MDGA2: variants seen among roughly 807,000 people sequenced by gnomAD.
MDGA2 encodes MAM domain-containing glycosylphosphatidylinositol anchor protein 2.
A neutral mutation model predicts 117.8 loss-of-function variants in MDGA2; 40 were observed. The ratio of observed to expected loss-of-function variants is 0.34; its 90% CI spans 0.26 to 0.44. MDGA2 has a LOEUF of 0.44. MDGA2 is among the 20% of genes least tolerant of loss of function. The probability of loss-of-function intolerance (pLI) is 1.00; values close to 1 mark genes in which losing one functional copy is unlikely to be tolerated. For missense variants in MDGA2, 1,123 were observed against 1,250.6 expected, an observed-to-expected ratio of 0.90 and a Z score of 1.54; for synonymous variants, 452 against 439.0, an observed-to-expected ratio of 1.03 and a Z score of -0.37.
chr14:47,348,169 GT>G (rs1890800100), intron 1 of MDGA2, among the ~76,000 whole-genome samples: 2 of 29,836 alleles, frequency 6.7e-5, no homozygotes, highest in Non-Finnish European at 1.4e-4. Context: ...CTCTGTATAT[GT>G]GTGTGTGTGT....
chr14:47,271,970 A>G (rs1888158625), intron 2 of MDGA2, among the ~76,000 whole-genome samples: 1 of 151,638 alleles, frequency 6.6e-6, no homozygotes, highest in East Asian at 2.0e-4. Flanking sequence ...GACACTCTAG[A>G]TATTCATAAA....
chr14:47,189,678 A>G (rs1885040209), intron 3 of MDGA2, among the ~76,000 whole-genome samples: 1 of 152,152 alleles, frequency 6.6e-6, no homozygotes, highest in South Asian at 2.1e-4. Flanking sequence ...TAATCCCATA[A>G]TTGTTTCCTA....
intron 10 of MDGA2, among the ~76,000 whole-genome samples, chr14:46,895,652 G>T (rs1883046073): frequency 6.6e-6 from 1 of 151,906 alleles, no homozygotes. Flanking sequence ...GCTTGAACCT[G>T]GGAGGTGGAG....
intron 3 of MDGA2, among the ~76,000 whole-genome samples, chr14:47,152,847 G>C (rs1275512391): frequency 1.3e-5 from 2 of 152,130 alleles, no homozygotes; most frequent in African/African-American, 4.8e-5. Context: ...GAGTATGCCA[G>C]ATAATATATT....
rs193010050 is a variant in MDGA2 at position 46,889,201 on chromosome 14, C to T, written c.2239-6980G>A. Among the ~76,000 whole-genome samples, 30 of 152,098 alleles carry T rather than the reference C, an allele frequency of 2.0e-4. No individual in the cohort carries two copies. In the Middle Eastern group the frequency reaches 0.017, roughly 87 times the overall value. ...CTAGTAATAGCAAACATTTATTCAACTAATTATATAACTTTTCTTCTTTCA... is the reference window on the plus strand; with the variant it reads ...CTAGTAATAGCAAACATTTATTCAATTAATTATATAACTTTTCTTCTTTCA... On this transcript the variant is annotated intron_variant, in intron 10 of 16. Transcript: ENST00000399232.
chr14:47,559,888 G>A (rs910261118), intron 1 of MDGA2, among the ~76,000 whole-genome samples: 1 of 151,510 alleles, frequency 6.6e-6, no homozygotes, highest in Non-Finnish European at 1.5e-5. Context: ...TTTTTATGGT[G>A]GAATGATTTA....
At chr14:47,396,116 T>G (rs1892003428) in intron 1 of MDGA2, among the ~76,000 whole-genome samples, 1 of 152,150 alleles carries the variant, frequency 6.6e-6, no homozygotes, top group African/African-American at 2.4e-5. Flanking sequence ...ATAACAAACT[T>G]AGCCTGTAAC....
intron 3 of MDGA2, among the ~76,000 whole-genome samples, chr14:47,168,236 C>T (rs1883967130): frequency 7.1e-6 from 1 of 141,582 alleles, no homozygotes; most frequent in Admixed American, 7.4e-5. Flanking sequence ...CCACTTGCTG[C>T]TTCTCTCTCT....
chr14:46,868,436 A>T (rs1366837216), intron 14 of MDGA2, among the ~76,000 whole-genome samples: 1 of 151,906 alleles, frequency 6.6e-6, no homozygotes, highest in African/African-American at 2.4e-5. Context: ...GCAGGACAAA[A>T]GAGACAGCCT....
At chr14:47,081,000 G>A (rs559301606) in intron 6 of MDGA2, among the ~76,000 whole-genome samples, 3 of 151,942 alleles carry the variant, frequency 2.0e-5, no homozygotes, top group African/African-American at 4.8e-5. Context: ...TTACTTCCAC[G>A]ATCTGCCAAA....
chr14:47,285,430 G>T (rs1888639891), intron 2 of MDGA2, among the ~76,000 whole-genome samples: 1 of 152,066 alleles, frequency 6.6e-6, no homozygotes, highest in African/African-American at 2.4e-5. Context: ...TAAATCATAA[G>T]CAGTAAATTT....
intron 1 of MDGA2, among the ~76,000 whole-genome samples, chr14:47,365,090 A>G (rs1282218723): frequency 2.0e-5 from 3 of 152,226 alleles, no homozygotes; most frequent in African/African-American, 7.2e-5. Context: ...TACACCCTTC[A>G]ATGGGATTGG....
At chr14:47,477,610 G>A (rs1320640010) in intron 1 of MDGA2, among the ~76,000 whole-genome samples, 1 of 152,044 alleles carries the variant, frequency 6.6e-6, no homozygotes, top group Non-Finnish European at 1.5e-5. Flanking sequence ...TTTCTATCTT[G>A]GACTTAAGTT....
intron 1 of MDGA2, among the ~76,000 whole-genome samples, chr14:47,548,561 T>A (rs1221516138): frequency 2.0e-5 from 3 of 152,340 alleles, no homozygotes; most frequent in Non-Finnish European, 4.4e-5. Context: ...ATTTCTTAAA[T>A]GCATTGAACC....
intron 1 of MDGA2, among the ~76,000 whole-genome samples, chr14:47,562,697 T>C (rs1895839887): frequency 6.6e-6 from 1 of 152,182 alleles, no homozygotes; most frequent in Admixed American, 6.5e-5. Context: ...ATTTGTTGCT[T>C]TGGTGTGGGT....
intron 10 of MDGA2, among the ~76,000 whole-genome samples, chr14:46,903,110 CCTT>C (rs1883352983): frequency 1.3e-5 from 2 of 152,270 alleles, no homozygotes; most frequent in Admixed American, 6.5e-5. Flanking sequence ...TGGCAGGAAT[CCTT>C]CTCATTTTGC....
chr14:47,577,637 A>G (rs1896140131), intron 1 of MDGA2, among the ~76,000 whole-genome samples: 1 of 152,196 alleles, frequency 6.6e-6, no homozygotes, highest in South Asian at 2.1e-4. Flanking sequence ...ATATGAACAG[A>G]TACTTCTCAA....
intron 4 of MDGA2, among the ~76,000 whole-genome samples, chr14:47,139,879 C>A (rs1248594581): frequency 7.0e-6 from 1 of 142,586 alleles, no homozygotes; most frequent in Non-Finnish European, 1.5e-5. Context: ...TATACACACA[C>A]ACACATATAT....
intron 5 of MDGA2, among the ~76,000 whole-genome samples, chr14:47,130,211 T>A (rs1297753511): frequency 2.0e-5 from 3 of 151,932 alleles, no homozygotes; most frequent in Admixed American, 6.6e-5. Flanking sequence ...TCTTCTAGGG[T>A]TTTTATGGTT....
Sources: gnomAD v4.1 joint callset for allele counts (sites outside exome capture counted in the v4.1 genomes callset) on GRCh38, gnomAD v4.1.1 for gene constraint, MANE v1.5 for transcripts, NCBI Gene and HGNC (gene_info 2026-07-23, HGNC 2026-07-21) for gene names.